SLC17A5: variants seen among roughly 807,000 people sequenced by gnomAD.
SLC17A5 encodes solute carrier family 17 member 5, also known as sialin.
SLC17A5 carries 47 observed loss-of-function variants against 59.4 expected under a neutral mutation model. That is an observed-to-expected ratio of 0.79 (90% CI 0.63 to 1.01). SLC17A5 has a LOEUF of 1.01. Ranked by LOEUF, SLC17A5 falls within the 50% of genes least tolerant of loss-of-function variation. The pLI, the probability that SLC17A5 is intolerant of heterozygous loss-of-function variation, is 0.00. For missense variants in SLC17A5, 522 were observed against 595.5 expected, an observed-to-expected ratio of 0.88 and a Z score of 1.28; for synonymous variants, 202 against 210.7, an observed-to-expected ratio of 0.96 and a Z score of 0.36.
intron 1 of SLC17A5, among the ~76,000 whole-genome samples, chr6:73,652,356 CTT>C (rs2150126920): frequency 6.6e-6 from 1 of 152,272 alleles, no homozygotes; most frequent in Non-Finnish European, 1.5e-5. Flanking sequence ...CCATCTCAAT[CTT>C]TATTGAGATG....
At chr6:73,647,192 TATGGTTTAAAAAGCTTATCTGGTTG>T (rs1488579922) in intron 1 of SLC17A5, among the ~76,000 whole-genome samples, 7 of 152,238 alleles carry the variant, frequency 4.6e-5, no homozygotes, top group Non-Finnish European at 8.8e-5. Context: ...AGATGTGATT[TATGGTTTAAAAAGCTTATCTGGTTG>T]ATGGTTTAAA....
At chr6:73,607,245 T>C (rs1030803828) in intron 9 of SLC17A5, among the ~76,000 whole-genome samples, 1 of 152,172 alleles carries the variant, frequency 6.6e-6, no homozygotes, top group Non-Finnish European at 1.5e-5. Context: ...GTTTTCTTTT[T>C]CTTCAGCATC....
intron 9 of SLC17A5, among the ~76,000 whole-genome samples, chr6:73,606,600 A>G (rs1972073): frequency 0.11 from 16,302 of 152,136 alleles, 1,034 homozygotes; most frequent in Middle Eastern, 0.17. Flanking sequence ...TGATGCTTGA[A>G]GCTCAGGCAC....
At chr6:73,629,626 T>G (rs1768601302) in intron 6 of SLC17A5, among the ~76,000 whole-genome samples, 1 of 151,392 alleles carries the variant, frequency 6.6e-6, no homozygotes, top group East Asian at 2.0e-4. Context: ...TACAAAAAAA[T>G]TAGCTGGGCG....
intron 9 of SLC17A5, among the ~76,000 whole-genome samples, chr6:73,609,708 G>C (rs867601612): frequency 6.6e-6 from 1 of 152,200 alleles, no homozygotes; most frequent in African/African-American, 2.4e-5. Context: ...GTTCTAATGA[G>C]AGCACTGTGG....
At chr6:73,600,912 G>T (rs1005592467) in intron 9 of SLC17A5, among the ~76,000 whole-genome samples, 5 of 152,174 alleles carry the variant, frequency 3.3e-5, no homozygotes, top group Non-Finnish European at 7.3e-5. Context: ...TGAAAAACTT[G>T]CATTTCAATA....
At chr6:73,620,882 C>T (rs1233880956) in intron 7 of SLC17A5, among the ~76,000 whole-genome samples, 2 of 151,898 alleles carry the variant, frequency 1.3e-5, no homozygotes, top group South Asian at 2.1e-4. Context: ...CCACCATGCC[C>T]GGTTAATTTT....
chr6:73,631,764 G>A (rs1020227798), intron 6 of SLC17A5, among the ~76,000 whole-genome samples: 8 of 151,708 alleles, frequency 5.3e-5, no homozygotes, highest in Admixed American at 2.0e-4. Context: ...TTGAAATTCT[G>A]TCCATCCATG....
At chr6:73,601,538 C>T (rs1767098977) in intron 9 of SLC17A5, among the ~76,000 whole-genome samples, 1 of 106,704 alleles carries the variant, frequency 9.4e-6, no homozygotes, top group Admixed American at 8.4e-5. Context: ...CCCGGCCAGC[C>T]AACCCGTCCG....
intron 3 of SLC17A5, among the ~76,000 whole-genome samples, chr6:73,641,083 C>G (rs1371434661): frequency 6.6e-6 from 1 of 151,956 alleles, no homozygotes; most frequent in Non-Finnish European, 1.5e-5. Flanking sequence ...TCAATCTTAA[C>G]CATTTTTTTT....
At chr6:73,608,087 C>G (rs566306685) in intron 9 of SLC17A5, among the ~76,000 whole-genome samples, 12 of 152,216 alleles carry the variant, frequency 7.9e-5, no homozygotes, top group African/African-American at 2.6e-4. Context: ...CAAAATGACT[C>G]ATGTTTATTT....
At chr6:73,600,914 A>T (rs975905729) in intron 9 of SLC17A5, among the ~76,000 whole-genome samples, 4 of 152,214 alleles carry the variant, frequency 2.6e-5, no homozygotes, top group African/African-American at 7.2e-5. Flanking sequence ...AAAAACTTGC[A>T]TTTCAATAGT....
rs116902076 is a variant in SLC17A5 at position 73,647,496 on chromosome 6, A to C, written c.95-2893T>G. ...TATTAGTAATTCTCTTACTCTAAAAAACTCTATTTTATGCTACTGTAATTT... is the reference window on the plus strand; with the variant it reads ...TATTAGTAATTCTCTTACTCTAAAACACTCTATTTTATGCTACTGTAATTT... On this transcript the variant is annotated intron_variant, in intron 1 of 10. Transcript: ENST00000355773. Among the ~76,000 whole-genome samples the C allele has an allele frequency of 6.2e-4, 95 of 152,316 alleles. 3 individuals are homozygous for C. In the East Asian group the frequency reaches 0.018, roughly 29 times the overall value.
At chr6:73,651,311 A>T (rs1295223733) in intron 1 of SLC17A5, among the ~76,000 whole-genome samples, 4 of 151,370 alleles carry the variant, frequency 2.6e-5, no homozygotes, top group African/African-American at 9.7e-5. Flanking sequence ...AAATACAAAA[A>T]TTAGCTGGGT....
chr6:73,644,292 C>G (rs1050481981), intron 2 of SLC17A5, 115 bp downstream of exon 2: 3 of 813,422 alleles, frequency 3.7e-6, no homozygotes, highest in Non-Finnish European at 5.8e-6. Flanking sequence ...GAAAGTGATT[C>G]AGAGTATACA....
At chr6:73,609,592 A>G (rs1426119517) in intron 9 of SLC17A5, among the ~76,000 whole-genome samples, 2 of 152,180 alleles carry the variant, frequency 1.3e-5, no homozygotes, top group Non-Finnish European at 2.9e-5. Context: ...AATGCCTACT[A>G]CATGCCAAGT....
rs1554160239 is a variant in SLC17A5 at position 73,595,198 on chromosome 6, C to T, written c.1367G>A (p.Trp456Ter). The T allele has an allele frequency of 6.2e-7, 1 of 1,614,060 alleles. No homozygotes were observed. The highest frequency in any genetic ancestry group is 2.2e-5 in the East Asian group (1 of 44,866). The change falls in exon 11 of 11, where the codon TGG becomes TAG. Residue 456 changes from tryptophan (W) to a stop codon, truncating the protein, a stop_gained. Transcript: ENST00000355773. LOFTEE classifies it high-confidence loss of function. ...AGCAGCAATATAGAACACGGTTTGC[C>T]ATTCTCCAACAGTGTTCTATAAAGG... Reference protein sequence around the residue: ...SLTPDNTVGEWQTVFYIAAAI... With the variant: ...SLTPDNTVGE
intron 6 of SLC17A5, among the ~76,000 whole-genome samples, chr6:73,633,176 A>ATTT (rs57624307): frequency 4.0e-5 from 5 of 124,938 alleles, no homozygotes; most frequent in Admixed American, 8.3e-5. Flanking sequence ...ACTTGTATTA[A>ATTT]TTTTTTTTTT....
chr6:73,621,948 C>A lies in SLC17A5; in HGVS notation c.834G>T (p.Lys278Asn). Reference sequence around the variant, plus strand: ...TTAAAATGGGTACCCACGGCACTGACTTCTGTGAAGAAAGCTGAAGAAAAC... The same window carrying A: ...TTAAAATGGGTACCCACGGCACTGAATTCTGTGAAGAAAGCTGAAGAAAAC... ...SSLRNQLSSQ[K>N]SVPWVPILKS... is the part of the protein sequence containing the mutation. Residue 278 changes from lysine to asparagine, a missense_variant, in exon 7 of 11, where the codon AAG becomes AAT. Physicochemically the swap from Lys to Asn is moderately conservative, Grantham distance 94 (BLOSUM62 0). Around this residue, in one of 3 missense-constraint regions of SLC17A5, gnomAD observed 338 missense variants for 363.8 expected, o/e 0.93. Transcript: ENST00000355773. The A allele has an allele frequency of 2.5e-6, 4 of 1,614,024 alleles. No homozygotes were observed. The highest frequency in any genetic ancestry group is 3.4e-6 in the Non-Finnish European group (4 of 1,179,944).
Sources: allele counts gnomAD v4.1 joint callset (sites outside exome capture counted in the v4.1 genomes callset), GRCh38; gene constraint gnomAD v4.1.1; regional missense constraint gnomAD v4.1.1; transcripts MANE v1.5; gene names NCBI Gene and HGNC (gene_info 2026-07-23, HGNC 2026-07-21).